The following COLQ variants were observed in gnomAD, a reference collection of about 807,000 sequenced individuals.
The protein encoded by COLQ is acetylcholinesterase collagenic tail peptide.
In COLQ, 48 loss-of-function variants were observed where a neutral mutation model predicts 69.0. The ratio of observed to expected loss-of-function variants is 0.70; its 90% CI spans 0.55 to 0.88. COLQ has a LOEUF of 0.88. COLQ is among the 40% of genes least tolerant of loss of function. The pLI, the probability that COLQ is intolerant of heterozygous loss-of-function variation, is 0.00. For missense variants in COLQ, 618 were observed against 594.6 expected, an observed-to-expected ratio of 1.04 and a Z score of -0.41; for synonymous variants, 217 against 211.2, an observed-to-expected ratio of 1.03 and a Z score of -0.24.
chr3:15,461,398 C>A (rs1244684943), intron 12 of COLQ, among the ~76,000 whole-genome samples: 2 of 152,116 alleles, frequency 1.3e-5, no homozygotes, highest in African/African-American at 4.8e-5. Flanking sequence ...ATCTGTTACC[C>A]CTGCCTGTTT....
intron 1 of COLQ, among the ~76,000 whole-genome samples, chr3:15,511,090 C>T (rs2062979153): frequency 6.6e-6 from 1 of 152,106 alleles, no homozygotes; most frequent in Admixed American, 6.5e-5. Flanking sequence ...AGCATGTTAG[C>T]CACAAAGTCA....
At chr3:15,511,999 A>G (rs2062993107) in intron 1 of COLQ, among the ~76,000 whole-genome samples, 1 of 152,166 alleles carries the variant, frequency 6.6e-6, no homozygotes, top group South Asian at 2.1e-4. Flanking sequence ...AGGATGGCCA[A>G]TGTCGCCCCA....
intron 12 of COLQ, among the ~76,000 whole-genome samples, chr3:15,459,475 A>G (rs1317796429): frequency 6.9e-6 from 1 of 145,714 alleles, no homozygotes; most frequent in Non-Finnish European, 1.5e-5. Context: ...AGCATAAGGC[A>G]TCCTTTTTTT....
At chr3:15,495,823 G>C (rs2062737977) in intron 1 of COLQ, among the ~76,000 whole-genome samples, 1 of 152,174 alleles carries the variant, frequency 6.6e-6, no homozygotes, top group Admixed American at 6.5e-5. Flanking sequence ...CTAGGAGTGG[G>C]CAGCTTCAGT....
In COLQ at chr3:15,489,628, C is replaced by T. The variant is rs1289941307; in HGVS notation, c.116G>A (p.Ser39Asn). The T allele has an allele frequency of 6.2e-7, 1 of 1,614,024 alleles. No individual in the cohort carries two copies. Among genetic ancestry groups the T allele is most frequent in the African/African-American group, 1.3e-5 (1 of 75,056 alleles). ...GCCACCACGCTTCTTCTGATCCAGGCTGGGAAGGGCTGTTCAGAGAAAACT... is the reference window on the plus strand; with the variant it reads ...GCCACCACGCTTCTTCTGATCCAGGTTGGGAAGGGCTGTTCAGAGAAAACT... ...SVLPISAALPSLDQKKRGGHK... is the reference protein window; with the variant it reads ...SVLPISAALPNLDQKKRGGHK... The change falls in exon 2 of 17, where the codon AGC (serine) becomes AAC (asparagine). Residue 39 changes from serine (S) to asparagine (N), a missense_variant. Transcript: ENST00000383788.
At chr3:15,491,640 G>C (rs78459123) in intron 1 of COLQ, among the ~76,000 whole-genome samples, 2 of 152,186 alleles carry the variant, frequency 1.3e-5, no homozygotes, top group Admixed American at 1.3e-4. Flanking sequence ...GACCTTTTAC[G>C]GGAAATATTT....
chr3:15,480,625 A>T (rs891753229), intron 3 of COLQ, among the ~76,000 whole-genome samples: 2 of 152,228 alleles, frequency 1.3e-5, no homozygotes, highest in South Asian at 2.1e-4. Context: ...TATTGTGAAT[A>T]GTGCCCCAAT....
intron 16 of COLQ, among the ~76,000 whole-genome samples, chr3:15,453,332 GCAAAATT>G (rs1445755865): frequency 2.0e-5 from 3 of 152,206 alleles, no homozygotes; most frequent in Admixed American, 2.0e-4. Context: ...CCATGAGCTT[GCAAAATT>G]AGATATTAAG....
intron 12 of COLQ, among the ~76,000 whole-genome samples, chr3:15,461,189 T>TCCCCGCA (rs549486422): frequency 2.8e-5 from 4 of 144,070 alleles, no homozygotes; most frequent in African/African-American, 1.1e-4. Flanking sequence ...TTGCCTTTAT[T>TCCCCGCA]CCCCCCCCGA....
At chr3:15,478,733 C>T in intron 5 of COLQ, 1 of 600,614 alleles carries the variant, frequency 1.7e-6, no homozygotes. Flanking sequence ...GGAATTTGGC[C>T]AGGCTTGGCA....
rs2125077514 is a variant in COLQ at position 15,451,696 on chromosome 3, T to C, written c.1316A>G (p.Gln439Arg). Residue 439 changes from glutamine (Q) to arginine (R), a missense_variant, in exon 17 of 17, where the codon CAA (glutamine) becomes CGA (arginine). Physicochemically the swap from Gln to Arg is conservative, Grantham distance 43 (BLOSUM62 1). Transcript: ENST00000383788. Reference protein sequence around the residue: ...TYLPGSYGDLQCTQYCYIDST... With the variant: ...TYLPGSYGDLRCTQYCYIDST... ...GTCGATGTAGCAGTACTGGGTGCATTGCAGGTCTCCATATGACCTGAGGGA... is the reference window on the plus strand; with the variant it reads ...GTCGATGTAGCAGTACTGGGTGCATCGCAGGTCTCCATATGACCTGAGGGA... 6.2e-7 allele frequency: 1 copy of C among 1,614,110 alleles called. No individual in the cohort carries two copies. Among genetic ancestry groups the C allele is most frequent in the South Asian group, 1.1e-5 (1 of 91,072 alleles).
intron 3 of COLQ, among the ~76,000 whole-genome samples, chr3:15,482,411 T>C (rs533200881): frequency 7.9e-5 from 12 of 152,352 alleles, no homozygotes; most frequent in African/African-American, 2.4e-4. Context: ...TGAGAGTTTT[T>C]AGCATGAAGG....
chr3:15,490,853 T>C (rs947522953), intron 1 of COLQ, among the ~76,000 whole-genome samples: 1 of 152,222 alleles, frequency 6.6e-6, no homozygotes, highest in African/African-American at 2.4e-5. Context: ...AGACATATAC[T>C]CTAGCCCAGC....
At chr3:15,482,831 G>C (rs533457817) in intron 3 of COLQ, among the ~76,000 whole-genome samples, 1 of 152,200 alleles carries the variant, frequency 6.6e-6, no homozygotes, top group Admixed American at 6.5e-5. Flanking sequence ...CTATGAATCC[G>C]TCTGGTCCTG....
At position 15,477,181 on chromosome 3, in the gene COLQ, G is replaced by T; in HGVS notation, c.410C>A (p.Pro137Gln). 4 of 1,605,856 alleles carry T rather than the reference G, an allele frequency of 2.5e-6. No individual in the cohort carries two copies. The highest frequency in any genetic ancestry group is 3.4e-6 in the Non-Finnish European group (4 of 1,176,562). Residue 137 changes from proline to glutamine, a missense_variant, in exon 6 of 17, where the codon CCA becomes CAA. Physicochemically the swap from Pro to Gln is moderately conservative, Grantham distance 76 (BLOSUM62 -1). Transcript: ENST00000383788. The part of the protein sequence containing the change: ...RPGRKGRPGP[P>Q]GVPGMPGPIG... ...GGGCCCAGGCATGCCAGGAACACCT[G>T]GGGGGCCAGGTCTACCCTTCAAAGA... is the stretch of plus-strand genomic sequence containing the variant.
At chr3:15,515,873 C>T (rs534576152) in intron 1 of COLQ, among the ~76,000 whole-genome samples, 6 of 152,292 alleles carry the variant, frequency 3.9e-5, no homozygotes, top group Admixed American at 6.5e-5. Context: ...GGTGTCTCAT[C>T]GAAGCCAGAG....
intron 13 of COLQ, among the ~76,000 whole-genome samples, chr3:15,457,681 C>G (rs1300850708): frequency 6.6e-6 from 1 of 151,646 alleles, no homozygotes; most frequent in Non-Finnish European, 1.5e-5. Flanking sequence ...GGTGCTATCT[C>G]AGCTCACTGC....
At chr3:15,465,186 CA>C (rs2062178496) in intron 12 of COLQ, among the ~76,000 whole-genome samples, 1 of 151,012 alleles carries the variant, frequency 6.6e-6, no homozygotes, top group Non-Finnish European at 1.5e-5. Context: ...AAACAACATA[CA>C]AGGAAGCAGT....
In COLQ at chr3:15,453,854, G is replaced by C. The variant is rs1559510943; in HGVS notation, c.1273C>G (p.Leu425Val). The part of the protein sequence containing the change: ...EDCDGSDFGY[L>V]TCETYLPGSY... ...CCAGGGAGATAGGTCTCGCATGTCAGGTAGCCAAAGTCAGAGCCGTCACAG... is the reference window on the plus strand; with the variant it reads ...CCAGGGAGATAGGTCTCGCATGTCACGTAGCCAAAGTCAGAGCCGTCACAG... The change falls in exon 16 of 17, where the codon CTG becomes GTG. Residue 425 changes from leucine to valine, a missense_variant. Coordinates refer to ENST00000383788, the MANE Select transcript of COLQ (RefSeq NM_005677.4). 1 of 1,611,976 alleles carries C rather than the reference G, an allele frequency of 6.2e-7. No individual in the cohort carries two copies. Among genetic ancestry groups the C allele is most frequent in the Non-Finnish European group, 8.5e-7 (1 of 1,178,962 alleles).
Sources: gnomAD v4.1 joint callset for allele counts (sites outside exome capture counted in the v4.1 genomes callset) on GRCh38, gnomAD v4.1.1 for gene constraint, MANE v1.5 for transcripts, NCBI Gene and HGNC (gene_info 2026-07-23, HGNC 2026-07-21) for gene names.